ROR2: variants seen among roughly 807,000 people sequenced by gnomAD.
The protein encoded by ROR2 is ROR family WNT receptor 2.
Under a neutral mutation model 74.9 loss-of-function variants are expected in ROR2, and 33 were observed. That is an observed-to-expected ratio of 0.44 (90% CI 0.33 to 0.59). The LOEUF is 0.59. ROR2 is among the 20% of genes least tolerant of loss of function. The pLI, the probability that ROR2 is intolerant of heterozygous loss-of-function variation, is 0.02. For missense variants in ROR2, 1,216 were observed against 1,313.8 expected, an observed-to-expected ratio of 0.93 and a Z score of 1.15; for synonymous variants, 586 against 558.7, an observed-to-expected ratio of 1.05 and a Z score of -0.69.
intron 1 of ROR2, among the ~76,000 whole-genome samples, chr9:91,810,893 A>G (rs1403981206): frequency 6.6e-6 from 1 of 152,268 alleles, no homozygotes; most frequent in Non-Finnish European, 1.5e-5. Context: ...CTCATGCTGC[A>G]CAGAGGCTAG....
chr9:91,859,895 A>G (rs1286347425), intron 1 of ROR2, among the ~76,000 whole-genome samples: 2 of 152,232 alleles, frequency 1.3e-5, no homozygotes, highest in Admixed American at 1.3e-4. Context: ...ACCTGGCGGG[A>G]CCATCACAAA....
At chr9:91,912,455 T>C (rs1831020145) in intron 1 of ROR2, among the ~76,000 whole-genome samples, 1 of 152,338 alleles carries the variant, frequency 6.6e-6, no homozygotes, top group African/African-American at 2.4e-5. Flanking sequence ...TCGCACATTG[T>C]GTATACAGAT....
chr9:91,781,199 G>T (rs1209073409), intron 1 of ROR2, among the ~76,000 whole-genome samples: 1 of 152,220 alleles, frequency 6.6e-6, no homozygotes, highest in Admixed American at 6.5e-5. Context: ...TGCAGGATGT[G>T]TTTAAGAACA....
intron 2 of ROR2, among the ~76,000 whole-genome samples, chr9:91,760,255 C>T (rs1414695486): frequency 6.6e-6 from 1 of 152,226 alleles, no homozygotes; most frequent in African/African-American, 2.4e-5. Flanking sequence ...TGCCTTTCCC[C>T]TCCCCACTAA....
At chr9:91,858,470 ATGAGG>A (rs1564003738) in intron 1 of ROR2, among the ~76,000 whole-genome samples, 1 of 152,182 alleles carries the variant, frequency 6.6e-6, no homozygotes, top group Non-Finnish European at 1.5e-5. Flanking sequence ...AAAGTGCCCA[ATGAGG>A]AGCAGCGGCT....
intron 1 of ROR2, among the ~76,000 whole-genome samples, chr9:91,877,626 C>G (rs771982933): frequency 2.0e-5 from 3 of 152,210 alleles, no homozygotes; most frequent in African/African-American, 7.2e-5. Flanking sequence ...AGAGTCAATT[C>G]TCACTCAGCC....
intron 1 of ROR2, among the ~76,000 whole-genome samples, chr9:91,901,513 G>T (rs761913991): frequency 4.6e-5 from 7 of 152,068 alleles, no homozygotes; most frequent in Admixed American, 2.0e-4. Flanking sequence ...TCTACAGGGG[G>T]TTAAAAATAA....
intron 1 of ROR2, among the ~76,000 whole-genome samples, chr9:91,832,016 T>C (rs1828476268): frequency 6.6e-6 from 1 of 152,102 alleles, no homozygotes; most frequent in Admixed American, 6.6e-5. Context: ...ACATGTTCTG[T>C]CCTGTTTGGA....
intron 1 of ROR2, among the ~76,000 whole-genome samples, chr9:91,873,921 A>C (rs1457654495): frequency 6.6e-6 from 1 of 152,142 alleles, no homozygotes; most frequent in Non-Finnish European, 1.5e-5. Flanking sequence ...TTCTCCTCAG[A>C]GATAAATTTT....
intron 4 of ROR2, among the ~76,000 whole-genome samples, chr9:91,747,709 G>GC (rs1825468840): frequency 8.9e-6 from 1 of 112,880 alleles, no homozygotes; most frequent in African/African-American, 3.4e-5. Flanking sequence ...CCTATCTTTG[G>GC]TTAAGGTCCA....
At chr9:91,731,223 A>G in intron 6 of ROR2, 68 bp from the exon 7 acceptor site, 1 of 1,605,236 alleles carries the variant, frequency 6.2e-7, no homozygotes. Context: ...ACACATGCCC[A>G]AACTAGAATT....
At chr9:91,845,506 C>G (rs1828901198) in intron 1 of ROR2, among the ~76,000 whole-genome samples, 1 of 152,112 alleles carries the variant, frequency 6.6e-6, no homozygotes, top group Non-Finnish European at 1.5e-5. Context: ...GAAGCCAACC[C>G]CCACCCTCAT....
chr9:91,911,181 A>C (rs908537714), intron 1 of ROR2, among the ~76,000 whole-genome samples: 1 of 152,228 alleles, frequency 6.6e-6, no homozygotes, highest in African/African-American at 2.4e-5. Context: ...TTCTACACAC[A>C]GGCTCTTTTT....
chr9:91,900,924 C>T (rs1417688302), intron 1 of ROR2, among the ~76,000 whole-genome samples: 2 of 152,200 alleles, frequency 1.3e-5, no homozygotes, highest in Non-Finnish European at 2.9e-5. Flanking sequence ...AAACACACAT[C>T]GTTTAATCAG....
chr9:91,835,245 A>G (rs1828575847), intron 1 of ROR2, among the ~76,000 whole-genome samples: 3 of 152,188 alleles, frequency 2.0e-5, no homozygotes. Flanking sequence ...AATGGAAGCA[A>G]AGATGTGCCT....
intron 2 of ROR2, among the ~76,000 whole-genome samples, chr9:91,769,722 T>C (rs1001561219): frequency 4.6e-5 from 7 of 152,122 alleles, no homozygotes; most frequent in African/African-American, 1.7e-4. Context: ...CCACCCCAAC[T>C]GTGACAGCCA....
In ROR2 at chr9:91,724,925, A is replaced by G. The variant is rs546594217; in HGVS notation, c.1569T>C (p.His523=). ...AEGPLREEFR[H]EAMLRARLQH... is the part of the protein sequence containing the mutation. ...GCAGCCGTGCTCGCAGCATAGCCTCATGCCGGAACTCCTCCCGCAGGGGCC... is the reference window on the plus strand; with the variant it reads ...GCAGCCGTGCTCGCAGCATAGCCTCGTGCCGGAACTCCTCCCGCAGGGGCC... Residue 523 remains histidine (H), a synonymous_variant, in exon 9 of 9, where the codon CAT becomes CAC. Transcript: ENST00000375708. The G allele has an allele frequency of 9.3e-6, 15 of 1,612,274 alleles. No homozygotes were observed. The South Asian group carries it at 1.5e-4, about 17-fold the overall frequency.
At chr9:91,929,384 G>A (rs767503128) in intron 1 of ROR2, among the ~76,000 whole-genome samples, 2 of 152,170 alleles carry the variant, frequency 1.3e-5, no homozygotes, top group Non-Finnish European at 2.9e-5. Context: ...TGGCATCTTC[G>A]AGATGACGCC....
At chr9:91,904,054 G>A (rs537757022) in intron 1 of ROR2, among the ~76,000 whole-genome samples, 19 of 149,558 alleles carry the variant, frequency 1.3e-4, no homozygotes, top group Admixed American at 2.7e-4. Flanking sequence ...TTTTTTTTGG[G>A]GGGGGGGACA....
Sources: allele counts gnomAD v4.1 joint callset (sites outside exome capture counted in the v4.1 genomes callset), GRCh38; gene constraint gnomAD v4.1.1; transcripts MANE v1.5; gene names NCBI Gene and HGNC (gene_info 2026-07-23, HGNC 2026-07-21).